INF2: variants seen among roughly 807,000 people sequenced by gnomAD.
The protein encoded by INF2 is inverted formin 2, also known as inverted formin-2.
INF2 carries 43 observed loss-of-function variants against 123.5 expected under a neutral mutation model. The observed-to-expected ratio is 0.35, with a 90% CI of 0.27 to 0.45. The LOEUF (loss-of-function observed/expected upper bound fraction) is 0.45. Ranked by LOEUF, INF2 falls within the 20% of genes least tolerant of loss-of-function variation. INF2 has a pLI of 1.00. For missense variants in INF2, 1,453 were observed against 1,682.7 expected, an observed-to-expected ratio of 0.86 and a Z score of 2.39; for synonymous variants, 851 against 745.0, an observed-to-expected ratio of 1.14 and a Z score of -2.32.
rs1253304427 is a variant in INF2, at chr14:104,706,996, G to T, written c.930G>T (p.Leu310=). 2.5e-6 allele frequency: 4 copies of T among 1,597,094 alleles called. No individual in the cohort carries two copies. Among genetic ancestry groups the T allele is most frequent in the Non-Finnish European group, 3.4e-6 (4 of 1,178,130 alleles). The change falls in exon 7 of 23, where the codon CTG becomes CTT. Residue 310 remains leucine, a synonymous_variant. Coordinates refer to ENST00000392634, the MANE Select transcript of INF2 (RefSeq NM_022489.4). ...HLEPTLRSSQ[L]LWEALESLVN... is the part of the protein sequence containing the mutation. ...AGCCCACCCTCCGCTCCAGCCAGCT[G>T]CTCTGGGAGGCCCTGGAGAGCCTCG...
intron 11 of INF2, 59 bp downstream of exon 11, chr14:104,709,442 TGTCC>T: frequency 7.0e-7 from 1 of 1,419,342 alleles, no homozygotes; most frequent in Non-Finnish European, 9.9e-7. Context: ...AGGGAGAGGC[TGTCC>T]CGGGGGCTCC....
At position 104,711,035 on chromosome 14, in the gene INF2, C is replaced by T. The variant is rs372639406; in HGVS notation, c.2310+28C>T. On this transcript the variant is annotated intron_variant, in intron 14 of 22. Coordinates refer to ENST00000392634, the MANE Select transcript of INF2 (RefSeq NM_022489.4). ...AAGTCAGGGGCAGCTCCCCATCCCA[C>T]CTGGTGCCAGGGGCTGGTGAGACTC... The T allele has an allele frequency of 3.7e-6, 6 of 1,610,712 alleles. No individual in the cohort carries two copies. In the Admixed American group the frequency reaches 8.3e-5, roughly 22 times the overall value.
rs762539983 is a variant in INF2, at chr14:104,708,485, G to A, written c.1785G>A (p.Val595=). The change falls in exon 9 of 23, where the codon GTG becomes GTA. Residue 595 remains valine (V), a synonymous_variant. Coordinates refer to ENST00000392634, the MANE Select transcript of INF2 (RefSeq NM_022489.4). ...TGAGCAGCCCCGACGCCGAGGCTGT[G>A]GAGCCCGACTTCTCCAGCATCGAGC... ...ASLSSPDAEA[V]EPDFSSIERL... The A allele has an allele frequency of 4.3e-6, 7 of 1,612,508 alleles. No individual in the cohort carries two copies. In the Admixed American group the frequency reaches 5.0e-5, roughly 12 times the overall value.
At chr14:104,709,111 G>A (rs952424255) in intron 10 of INF2, among the ~76,000 whole-genome samples, 170 bp from the exon 11 acceptor site, 1 of 152,150 alleles carries the variant, frequency 6.6e-6, no homozygotes, top group Non-Finnish European at 1.5e-5. Flanking sequence ...GAGTCAGCCT[G>A]GGTCCCCTTC....
chr14:104,706,739 AC>A (rs1413777812), intron 6 of INF2, among the ~76,000 whole-genome samples, 170 bp from the exon 7 acceptor site: 1 of 152,128 alleles, frequency 6.6e-6, no homozygotes, highest in African/African-American at 2.4e-5. Context: ...CCCATAATGC[AC>A]AGGACAGTCC....
chr14:104,700,897 G>T (rs943143392), intron 1 of INF2: 1 of 984,020 alleles, frequency 1.0e-6, no homozygotes, highest in Non-Finnish European at 1.2e-6. Flanking sequence ...TTGTCCACTG[G>T]GGCGGGGGAA....
At chr14:104,689,377 C>G, upstream of INF2, 1 of 611,974 alleles carries the variant, frequency 1.6e-6, no homozygotes, top group Non-Finnish European at 2.0e-6. Flanking sequence ...CGTCCCACCC[C>G]CATCTCCGCC....
rs1890533736 is a variant in INF2, at chr14:104,721,021, T to C, written c.*2228T>C. 1.6e-5 allele frequency: 1 copy of C among 62,192 alleles called. No individual in the cohort carries two copies. Among genetic ancestry groups the C allele is most frequent in the Non-Finnish European group, 2.9e-5 (1 of 34,854 alleles). 3.9% of individuals were successfully genotyped at this position (62,192 alleles called of 1,614,324 possible). On this transcript the variant is annotated 3_prime_UTR_variant, in exon 23 of 23. Transcript: ENST00000392634. Reference sequence around the variant, plus strand: ...CCTCCTGTGGATGCTGCTGTGGACGTCTGCGTCGTCCTCGTGTGGATGCTG... The same window carrying C: ...CCTCCTGTGGATGCTGCTGTGGACGCCTGCGTCGTCCTCGTGTGGATGCTG...
intron 13 of INF2, 39 bp from the exon 14 acceptor site, chr14:104,710,898 G>A (rs775087417): frequency 1.1e-5 from 17 of 1,593,150 alleles, no homozygotes; most frequent in Admixed American, 5.0e-5. Context: ...TGGGGGCTCC[G>A]AACCAAGAGC....
In INF2 at chr14:104,714,656, C is replaced by T. The variant is rs771044828; in HGVS notation, c.3494C>T (p.Ala1165Val). Residue 1165 changes from alanine (A) to valine (V), a missense_variant, in exon 21 of 23, where the codon GCA (alanine) becomes GTA (valine). Physicochemically the swap from Ala to Val is moderately conservative, Grantham distance 64. Transcript: ENST00000392634. ...CACAGCCGTGGTGCCAGACCCCCTG[C>T]AGCAGGCCCAGGTGGGGATGAGGAC... is the stretch of plus-strand genomic sequence containing the variant. Reference protein sequence around the residue: ...AVHSRGARPPAAGPGGDEDED... With the variant: ...AVHSRGARPPVAGPGGDEDED... 22 of 1,612,402 alleles carry T rather than the reference C, an allele frequency of 1.4e-5. No individual in the cohort carries two copies. The highest frequency in any genetic ancestry group is 1.6e-5 in the Non-Finnish European group (19 of 1,179,684).
chr14:104,712,900 G>T lies in INF2; in HGVS notation c.2683G>T (p.Asp895Tyr), dbSNP rs776314008. Residue 895 changes from aspartate to tyrosine, a missense_variant, in exon 18 of 23, where the codon GAC becomes TAC. By Grantham distance (160) the Asp-to-Tyr change is radical. Around this residue, in one of 8 missense-constraint regions of INF2, gnomAD observed 212 missense variants for 266.2 expected, o/e 0.80. Coordinates refer to ENST00000392634, the MANE Select transcript of INF2 (RefSeq NM_022489.4). ...AIEQKQRELA[D>Y]YLCEDAQQLS... ...CGAGCAGAAGCAACGGGAGCTGGCC[G>T]ACTACCTGTGTGAGGACGCCCAGCA... The T allele has an allele frequency of 1.2e-6, 2 of 1,612,696 alleles. No homozygotes were observed. Among genetic ancestry groups the T allele is most frequent in the Admixed American group, 1.7e-5 (1 of 60,026 alleles).
chr14:104,708,166 G>A lies in INF2; in HGVS notation c.1735+164G>A. 7 of 1,157,768 alleles carry A rather than the reference G, an allele frequency of 6.0e-6. No individual in the cohort carries two copies. In the South Asian group the frequency reaches 1.0e-4, roughly 17 times the overall value. The allele number at this position is 1,157,768 out of a possible 1,614,324, so 71.7% of individuals were successfully genotyped here. A position where few individuals can be genotyped will look rare whatever the true frequency, so the allele number is the denominator to read the frequency against. ...GGCTCGGCGCCTGTGGTTGAGGTGG[G>A]GACGGGGGAGGAGCAGGGCAGGGGC... On this transcript the variant is annotated intron_variant, in intron 8 of 22. Coordinates refer to ENST00000392634, the MANE Select transcript of INF2 (RefSeq NM_022489.4).
chr14:104,701,270 C>T, intron 1 of INF2, 87 bp from the exon 2 acceptor site: 1 of 1,421,804 alleles, frequency 7.0e-7, no homozygotes, highest in Non-Finnish European at 9.5e-7. Context: ...AAACTGAGAC[C>T]GAGGGAAGTG....
In INF2 at chr14:104,719,546, T is replaced by C. The variant is rs1890469511; in HGVS notation, c.*753T>C. The C allele has an allele frequency of 6.6e-6, 1 of 152,196 alleles. No individual in the cohort carries two copies. The highest frequency in any genetic ancestry group is 1.5e-5 in the Non-Finnish European group (1 of 68,024). The allele number at this position is 152,196 out of a possible 1,614,324, so 9.4% of individuals were successfully genotyped here. ...GGGCAGCCTACCCGAGCCTGCCCCC[T>C]GCCAGGTGTGTGCCCTGAGGCTGGC... On this transcript the variant is annotated 3_prime_UTR_variant, in exon 23 of 23. Coordinates refer to ENST00000392634, the MANE Select transcript of INF2 (RefSeq NM_022489.4).
Position 104,718,940 on chromosome 14 carries a change from T to C in INF2, c.*147T>C. ...GTGCCTTACCCAGCCGGGGCCCTCC[T>C]GGAGCCTTCTTGGGGTGTTGTGGCT... On this transcript the variant is annotated 3_prime_UTR_variant, in exon 23 of 23. Coordinates refer to ENST00000392634, the MANE Select transcript of INF2 (RefSeq NM_022489.4). The C allele has an allele frequency of 6.9e-7, 1 of 1,452,776 alleles. No individual in the cohort carries two copies. 90.0% of individuals were successfully genotyped at this position (1,452,776 alleles called of 1,614,324 possible).
In INF2 at chr14:104,707,671, C is replaced by T; in HGVS notation, c.1404C>T (p.Ala468=). 2.0e-6 allele frequency: 2 copies of T among 990,068 alleles called. No homozygotes were observed. The highest frequency in any genetic ancestry group is 3.0e-6 in the Non-Finnish European group (2 of 669,930). The allele number at this position is 990,068 out of a possible 1,614,324, so 61.3% of individuals were successfully genotyped here. Residue 468 remains alanine (A), a synonymous_variant, in exon 8 of 23, where the codon GCC becomes GCT. Coordinates refer to ENST00000392634, the MANE Select transcript of INF2 (RefSeq NM_022489.4). ...CCCCACCCCTGCCAGGCCTGGGGGC[C>T]ATGGCCCCCCCAGCACCTCCTCTAC... ...PPPPPLPGLG[A]MAPPAPPLPP...
At chr14:104,711,816 C>A (rs4983533) in intron 16 of INF2, 117 bp downstream of exon 16, 4 of 899,972 alleles carry the variant, frequency 4.4e-6, no homozygotes, top group Non-Finnish European at 7.0e-6. Context: ...GCAGCCCCGG[C>A]GCCACGGAGC....
chr14:104,690,488 A>C (rs1054916719), intron 1 of INF2: 2 of 152,484 alleles, frequency 1.3e-5, no homozygotes, highest in African/African-American at 4.8e-5. Context: ...CAAGCTCCCC[A>C]CCCAGGGCTC....
In INF2 at chr14:104,722,528, T is replaced by A. The variant is rs1890583955; in HGVS notation, c.*3735T>A. The A allele has an allele frequency of 6.6e-6, 1 of 152,268 alleles. No individual in the cohort carries two copies. Among genetic ancestry groups the A allele is most frequent in the African/African-American group, 2.4e-5 (1 of 41,416 alleles). 9.4% of individuals were successfully genotyped at this position (152,268 alleles called of 1,614,324 possible). A position where few individuals can be genotyped will look rare whatever the true frequency, so the allele number is the denominator to read the frequency against. ...TCTCTCATCTGGAAACAAACCTCCATGACGCTCTTGGTTTCTCCTGTTGCA... is the reference window on the plus strand; with the variant it reads ...TCTCTCATCTGGAAACAAACCTCCAAGACGCTCTTGGTTTCTCCTGTTGCA... On this transcript the variant is annotated 3_prime_UTR_variant, in exon 23 of 23. Coordinates refer to ENST00000392634, the MANE Select transcript of INF2 (RefSeq NM_022489.4).
Sources: gnomAD v4.1 joint callset for allele counts (sites outside exome capture counted in the v4.1 genomes callset) on GRCh38, gnomAD v4.1.1 for gene constraint, gnomAD v4.1.1 regional missense constraint, MANE v1.5 for transcripts, NCBI Gene and HGNC (gene_info 2026-07-23, HGNC 2026-07-21) for gene names.